The following KCNB2 variants were observed in gnomAD, a reference collection of about 807,000 sequenced individuals.
KCNB2 encodes potassium voltage-gated channel subfamily B member 2.
In KCNB2, 15 loss-of-function variants were observed where a neutral mutation model predicts 61.5. The ratio of observed to expected loss-of-function variants is 0.24; its 90% CI spans 0.16 to 0.38. The LOEUF is 0.38. KCNB2 is among the 10% of genes least tolerant of loss of function. The pLI, the probability that KCNB2 is intolerant of heterozygous loss-of-function variation, is 1.00. For synonymous variants in KCNB2, 457 were observed against 446.0 expected, an observed-to-expected ratio of 1.02 and a Z score of -0.31; for missense variants, 828 against 1,125.2, an observed-to-expected ratio of 0.74 and a Z score of 3.78.
Position 72,937,418 on chromosome 8 carries a change from A to C in KCNB2, c.2063A>C (p.His688Pro), listed in dbSNP as rs148879809. ...LDASGSQCGLHSPLQSDNATD... is the reference protein window; with the variant it reads ...LDASGSQCGLPSPLQSDNATD... ...GCCAGTGGCTCCCAGTGTGGGCTACATAGTCCTTTGCAGTCTGACAATGCC... is the reference window on the plus strand; with the variant it reads ...GCCAGTGGCTCCCAGTGTGGGCTACCTAGTCCTTTGCAGTCTGACAATGCC... Residue 688 changes from histidine (H) to proline (P), a missense_variant, in exon 3 of 3, where the codon CAT becomes CCT. His to Pro is a moderately conservative substitution (Grantham distance 77, BLOSUM62 -2). Coordinates refer to ENST00000523207, the MANE Select transcript of KCNB2 (RefSeq NM_004770.3). 1.2e-6 allele frequency: 2 copies of C among 1,613,996 alleles called. No individual in the cohort carries two copies. The highest frequency in any genetic ancestry group is 1.6e-4 in the Middle Eastern group (1 of 6,062).
At chr8:72,560,928 A>G (rs1054047559) in intron 1 of KCNB2, among the ~76,000 whole-genome samples, 1 of 152,186 alleles carries the variant, frequency 6.6e-6, no homozygotes, top group Non-Finnish European at 1.5e-5. Flanking sequence ...TTAAATAATT[A>G]TCCTGATGAA....
At chr8:72,582,785 A>T (rs911125659) in intron 2 of KCNB2, among the ~76,000 whole-genome samples, 44 of 151,998 alleles carry the variant, frequency 2.9e-4, no homozygotes, top group East Asian at 1.9e-4. Context: ...ACTAATTTTT[A>T]AAAAATTATT....
At chr8:72,809,104 T>C (rs988131181) in intron 2 of KCNB2, among the ~76,000 whole-genome samples, 2 of 152,152 alleles carry the variant, frequency 1.3e-5, no homozygotes, top group African/African-American at 4.8e-5. Flanking sequence ...CATGGTTTTG[T>C]GTGCAGGACC....
chr8:72,577,685 G>C (rs974477517), intron 2 of KCNB2, among the ~76,000 whole-genome samples: 1 of 152,152 alleles, frequency 6.6e-6, no homozygotes, highest in African/African-American at 2.4e-5. Flanking sequence ...GCAACCCCAA[G>C]TGTTGGATGC....
intron 2 of KCNB2, among the ~76,000 whole-genome samples, chr8:72,712,606 C>T (rs561485615): frequency 7.7e-4 from 118 of 152,304 alleles, no homozygotes; most frequent in Admixed American, 1.8e-3. Flanking sequence ...CTTCAATATT[C>T]TTACATTTAA....
intron 2 of KCNB2, among the ~76,000 whole-genome samples, chr8:72,929,234 T>C (rs980193936): frequency 8.5e-5 from 13 of 152,128 alleles, no homozygotes; most frequent in Admixed American, 4.6e-4. Flanking sequence ...ACGTCCATTA[T>C]CTTCAAAGGA....
chr8:72,589,010 G>A (rs1255820980), intron 2 of KCNB2, among the ~76,000 whole-genome samples: 2 of 152,176 alleles, frequency 1.3e-5, no homozygotes, highest in African/African-American at 4.8e-5. Context: ...TTTCTGGGCT[G>A]AATCACTGTG....
chr8:72,766,874 G>T (rs1808467448), intron 2 of KCNB2, among the ~76,000 whole-genome samples: 1 of 152,168 alleles, frequency 6.6e-6, no homozygotes, highest in Non-Finnish European at 1.5e-5. Context: ...AGACTGGGAA[G>T]AAAAAGAGGT....
At chr8:72,750,530 T>C (rs1008304232) in intron 2 of KCNB2, 2 of 152,212 alleles carry the variant, frequency 1.3e-5, no homozygotes, top group Non-Finnish European at 2.9e-5. Flanking sequence ...AATGTTTGCA[T>C]CACTGAACTG....
At position 72,920,174 on chromosome 8, in the gene KCNB2, C is replaced by T. The variant is rs1806482266; in HGVS notation, c.580-15761C>T. ...TCTCAAGTCATGTAAGCTCAATAAA[C>T]ATTTACTTAATCAAAAATTGGGTCT... On this transcript the variant is annotated intron_variant, in intron 2 of 2. Transcript: ENST00000523207. 3.3e-5 allele frequency among the ~76,000 whole-genome samples: 5 copies of T among 151,668 alleles called. No individual in the cohort carries two copies. The South Asian group carries it at 8.3e-4, about 25-fold the overall frequency.
In KCNB2 at chr8:72,587,762, A is replaced by G. The variant is rs562942056; in HGVS notation, c.579+19449A>G. ...GGGAAAAAAAAGGAAAGAAAAGGAA[A>G]TGTAAACTCCATAACAGGATGAAAC... On this transcript the variant is annotated intron_variant, in intron 2 of 2. Transcript: ENST00000523207. Among the ~76,000 whole-genome samples the G allele has an allele frequency of 6.6e-5, 10 of 152,204 alleles. No homozygotes were observed. In the East Asian group the frequency reaches 1.9e-3, roughly 29 times the overall value.
intron 2 of KCNB2, among the ~76,000 whole-genome samples, chr8:72,677,827 G>A (rs116696367): frequency 0.024 from 3,591 of 152,156 alleles, 136 homozygotes; most frequent in African/African-American, 0.083. Context: ...TTCAGGTCTC[G>A]GCTCCTGGAC....
chr8:72,775,216 A>G (rs565063156), intron 2 of KCNB2, among the ~76,000 whole-genome samples: 2 of 152,306 alleles, frequency 1.3e-5, no homozygotes, highest in South Asian at 4.2e-4. Flanking sequence ...ACAGTGACTG[A>G]AAAACCCAAC....
At position 72,567,678 on chromosome 8, in the gene KCNB2, G is replaced by T; in HGVS notation, c.-57G>T. On this transcript the variant is annotated 5_prime_UTR_variant, in exon 2 of 3. Coordinates refer to ENST00000523207, the MANE Select transcript of KCNB2 (RefSeq NM_004770.3). ...GAAATGCCTGCCCCAGAGGGATATTGCTTCAGTTGACCTCATTTTTTAAGG... is the reference window on the plus strand; with the variant it reads ...GAAATGCCTGCCCCAGAGGGATATTTCTTCAGTTGACCTCATTTTTTAAGG... The T allele has an allele frequency of 2.5e-6, 3 of 1,190,742 alleles. No individual in the cohort carries two copies. The highest frequency in any genetic ancestry group is 3.5e-6 in the Non-Finnish European group (3 of 851,440). 73.8% of individuals were successfully genotyped at this position (1,190,742 alleles called of 1,614,324 possible). A position where few individuals can be genotyped will look rare whatever the true frequency, so the allele number is the denominator to read the frequency against.
At chr8:72,715,697 CA>C (rs1263851426) in intron 2 of KCNB2, among the ~76,000 whole-genome samples, 1 of 152,070 alleles carries the variant, frequency 6.6e-6, no homozygotes, top group Non-Finnish European at 1.5e-5. Flanking sequence ...TAAGTGCCCA[CA>C]AGAGAAAGCA....
chr8:72,599,203 A>G lies in KCNB2; in HGVS notation c.579+30890A>G, dbSNP rs549089916. On this transcript the variant is annotated intron_variant, in intron 2 of 2. Transcript: ENST00000523207. ...ATGCTACCTGACTTCAAACTATACT[A>G]CAAGGCTACAGTAACCAAAACAGCA... Among the ~76,000 whole-genome samples the G allele has an allele frequency of 7.2e-5, 11 of 152,304 alleles. No individual in the cohort carries two copies. The East Asian group carries it at 2.1e-3, about 29-fold the overall frequency.
intron 2 of KCNB2, among the ~76,000 whole-genome samples, chr8:72,737,817 G>A (rs1807874895): frequency 6.6e-6 from 1 of 152,080 alleles, no homozygotes; most frequent in Admixed American, 6.6e-5. Context: ...TGGTTACAGA[G>A]CCTTTAACTC....
intron 2 of KCNB2, among the ~76,000 whole-genome samples, chr8:72,591,255 C>T (rs1807094454): frequency 6.6e-6 from 1 of 152,126 alleles, no homozygotes; most frequent in Non-Finnish European, 1.5e-5. Context: ...CGCTGCGTAG[C>T]TTCAAATCCG....
At chr8:72,704,440 A>G (rs1372974293) in intron 2 of KCNB2, among the ~76,000 whole-genome samples, 1 of 152,056 alleles carries the variant, frequency 6.6e-6, no homozygotes, top group Admixed American at 6.6e-5. Flanking sequence ...TCCATCTGAA[A>G]GGAGTTACTG....
Sources: gnomAD v4.1 joint callset for allele counts (sites outside exome capture counted in the v4.1 genomes callset) on GRCh38, gnomAD v4.1.1 for gene constraint, MANE v1.5 for transcripts, NCBI Gene and HGNC (gene_info 2026-07-23, HGNC 2026-07-21) for gene names.